The following SYTL2 variants were observed in gnomAD, a reference collection of about 807,000 sequenced individuals.
The protein encoded by SYTL2 is synaptotagmin like 2.
A neutral mutation model predicts 198.7 loss-of-function variants in SYTL2; 165 were observed. The ratio of observed to expected loss-of-function variants is 0.83; its 90% confidence interval spans 0.73 to 0.94. The LOEUF (loss-of-function observed/expected upper bound fraction) is 0.94. Among genes scored for constraint, SYTL2 ranks in the 40% least tolerant of loss-of-function variants. The probability of loss-of-function intolerance (pLI) is 0.00; values close to 1 mark genes in which losing one functional copy is unlikely to be tolerated. For missense variants in SYTL2, 2,835 were observed against 2,582.8 expected, an observed-to-expected ratio of 1.10 and a Z score of -2.12; for synonymous variants, 966 against 917.7, an observed-to-expected ratio of 1.05 and a Z score of -0.95.
intron 2 of SYTL2, among the ~76,000 whole-genome samples, chr11:85,755,806 C>G (rs935182980): frequency 6.6e-6 from 1 of 152,116 alleles, no homozygotes; most frequent in Non-Finnish European, 1.5e-5. Context: ...GCTTTCTCCT[C>G]GTAAGCTGAC....
intron 1 of SYTL2, among the ~76,000 whole-genome samples, chr11:85,765,517 G>A (rs2153568050): frequency 6.6e-6 from 1 of 152,294 alleles, no homozygotes; most frequent in East Asian, 1.9e-4. Flanking sequence ...TTGCAGGCGT[G>A]AGCCACCGCG....
chr11:85,843,886 T>G, the SYTL2 span, among the ~76,000 whole-genome samples: 2 of 152,116 alleles, frequency 1.3e-5, no homozygotes, highest in African/African-American at 2.4e-5. Flanking sequence ...GTCACACAAC[T>G]AGTAAGCAGC....
intron 16 of SYTL2, among the ~76,000 whole-genome samples, chr11:85,703,254 G>T (rs954280607): frequency 1.3e-5 from 2 of 152,052 alleles, no homozygotes; most frequent in African/African-American, 4.8e-5. Flanking sequence ...TCAAAGTGAT[G>T]AAAGATACCA....
chr11:85,846,770 C>T, the SYTL2 span, among the ~76,000 whole-genome samples: 3 of 140,712 alleles, frequency 2.1e-5, no homozygotes, highest in African/African-American at 7.9e-5. Context: ...GTCTCGCTGT[C>T]GCCCAGGCTG....
In SYTL2 at chr11:85,724,353, C is replaced by T. The variant is rs1046572677; in HGVS notation, c.5005G>A (p.Val1669Met). The change falls in exon 8 of 20, where the codon GTG (valine) becomes ATG (methionine). Residue 1669 changes from valine to methionine, a missense_variant. Around this residue, in one of 3 missense-constraint regions of SYTL2, gnomAD observed 2,645 missense variants for 2,381.7 expected, o/e 1.11. Transcript: ENST00000359152. ...VEIPRTPQLYVAHEIGTIKTV... is the reference protein window; with the variant it reads ...VEIPRTPQLYMAHEIGTIKTV... ...TTAATGGTCCCTATTTCATGAGCCA[C>T]ATAAAGTTGTGGGGTTCTAGGGATC... 7 of 1,586,352 alleles carry T rather than the reference C, an allele frequency of 4.4e-6. No homozygotes were observed. The highest frequency in any genetic ancestry group is 6.0e-6 in the Non-Finnish European group (7 of 1,169,070).
intron 1 of SYTL2, among the ~76,000 whole-genome samples, chr11:85,807,466 T>A (rs2092973118): frequency 6.6e-6 from 1 of 152,220 alleles, no homozygotes; most frequent in Non-Finnish European, 1.5e-5. Flanking sequence ...TGACACTTGA[T>A]CCTTATAGTG....
intron 5 of SYTL2, among the ~76,000 whole-genome samples, chr11:85,737,359 G>C (rs1478637744): frequency 1.3e-5 from 2 of 152,086 alleles, no homozygotes; most frequent in Non-Finnish European, 2.9e-5. Flanking sequence ...AAGAAATCTG[G>C]GTCTTCAGCA....
At chr11:85,729,182 G>C (rs770007118) in intron 7 of SYTL2, among the ~76,000 whole-genome samples, 2 of 152,090 alleles carry the variant, frequency 1.3e-5, no homozygotes, top group Non-Finnish European at 2.9e-5. Flanking sequence ...ACAGATCAAC[G>C]ATACAGAAAA....
intron 1 of SYTL2, among the ~76,000 whole-genome samples, chr11:85,786,623 G>A (rs908000097): frequency 6.6e-6 from 1 of 152,170 alleles, no homozygotes; most frequent in Non-Finnish European, 1.5e-5. Context: ...ACCAGTTTGA[G>A]AGTGTGTGTA....
chr11:85,724,004 T>C, intron 8 of SYTL2, 28 bp downstream of exon 8: 2 of 1,362,796 alleles, frequency 1.5e-6, no homozygotes, highest in Non-Finnish European at 1.9e-6. Context: ...GCAGACTCAC[T>C]GTGAGTTAAA....
At chr11:85,763,701 C>CA (rs751408726) in intron 1 of SYTL2, among the ~76,000 whole-genome samples, 6,702 of 123,766 alleles carry the variant, frequency 0.054, 333 homozygotes, top group African/African-American at 0.14. Context: ...ATGAAGGCTT[C>CA]AAAAAAAAAA....
intron 2 of SYTL2, among the ~76,000 whole-genome samples, chr11:85,753,704 G>A (rs2091685216): frequency 6.7e-6 from 1 of 148,752 alleles, no homozygotes. Flanking sequence ...GTTGGAGGCT[G>A]CACTGAGCTA....
rs533022005 is a variant in SYTL2 at position 85,782,242 on chromosome 11, G to T, written c.-389-24128C>A. Among the ~76,000 whole-genome samples, 5 of 152,360 alleles carry T rather than the reference G, an allele frequency of 3.3e-5. No individual in the cohort carries two copies. In the South Asian group the frequency reaches 1.0e-3, roughly 32 times the overall value. ...CCAAGGCTTGGGGCTTACAACCTCTGAAGTAACAACTTGAGCTGTACCTTG... is the reference window on the plus strand; with the variant it reads ...CCAAGGCTTGGGGCTTACAACCTCTTAAGTAACAACTTGAGCTGTACCTTG... On this transcript the variant is annotated intron_variant, in intron 1 of 19. Coordinates refer to ENST00000359152, the MANE Select transcript of SYTL2 (RefSeq NM_206927.4).
chr11:85,726,088 AT>A lies in SYTL2; in HGVS notation c.3269del (p.Asn1090MetfsTer29). The stretch of plus-strand genomic sequence containing the variant: ...CAATCCCTTCCGTATTCTTTTCCAC[AT>A]TTTCCTTTGATGACTCATTTCCTGG... Reference protein sequence around the residue: ...QLPGNESSKENVEKNTEGIVT... With the variant: ...QLPGNESSKEXVEKNTEGIVT... On this transcript the variant is annotated frameshift_variant, in exon 8 of 20. Transcript: ENST00000359152. LOFTEE classifies it high-confidence loss of function. 1 of 1,613,406 alleles carries A rather than the reference AT, an allele frequency of 6.2e-7. No homozygotes were observed. The highest frequency in any genetic ancestry group is 8.5e-7 in the Non-Finnish European group (1 of 1,179,814).
At chr11:85,723,921 A>T (rs2088722457) in intron 8 of SYTL2, 111 bp downstream of exon 8, 2 of 516,524 alleles carry the variant, frequency 3.9e-6, no homozygotes, top group East Asian at 6.2e-5. Context: ...GGTAAGAAGA[A>T]TTTAACATCA....
chr11:85,734,324 G>A lies in SYTL2; in HGVS notation c.1005C>T (p.Phe335=), dbSNP rs567304278. Residue 335 remains phenylalanine, a synonymous_variant, in exon 7 of 20, where the codon TTC becomes TTT. Coordinates refer to ENST00000359152, the MANE Select transcript of SYTL2 (RefSeq NM_206927.4). ...NSLEPLKHVR[F]SAVKDELPQS... Reference sequence around the variant, plus strand: ...GTGGAAGCTCATCCTTCACTGCAGAGAATCTCACATGCTTTAATGGCTCCA... The same window carrying A: ...GTGGAAGCTCATCCTTCACTGCAGAAAATCTCACATGCTTTAATGGCTCCA... 4.7e-5 allele frequency: 76 copies of A among 1,614,214 alleles called. No individual in the cohort carries two copies. In the South Asian group the frequency reaches 7.8e-4, roughly 17 times the overall value.
At chr11:85,705,564 T>C (rs188225903) in intron 15 of SYTL2, among the ~76,000 whole-genome samples, 127 of 152,252 alleles carry the variant, frequency 8.3e-4, no homozygotes, top group African/African-American at 2.9e-3. Context: ...AATAAATAAA[T>C]AAATAAACTT....
chr11:85,798,332 C>T (rs2092834591), intron 1 of SYTL2, among the ~76,000 whole-genome samples: 1 of 152,168 alleles, frequency 6.6e-6, no homozygotes, highest in African/African-American at 2.4e-5. Context: ...AAGAGAAACC[C>T]GTGAAACTTT....
chr11:85,848,644 T>C, the SYTL2 span, among the ~76,000 whole-genome samples: 2 of 152,242 alleles, frequency 1.3e-5, no homozygotes, highest in African/African-American at 2.4e-5. Context: ...TTATATTCTA[T>C]TGGTCTATAT....
Sources: allele counts gnomAD v4.1 joint callset (sites outside exome capture counted in the v4.1 genomes callset), GRCh38; gene constraint gnomAD v4.1.1; regional missense constraint gnomAD v4.1.1; transcripts MANE v1.5; gene names NCBI Gene and HGNC (gene_info 2026-07-23, HGNC 2026-07-21).